Variants in NECTIN1 observed in about 807,000 individuals in gnomAD.
NECTIN1 encodes nectin cell adhesion molecule 1.
In NECTIN1, 23 loss-of-function variants were observed where a neutral mutation model predicts 48.0. The observed-to-expected ratio is 0.48, with a 90% confidence interval of 0.34 to 0.68. NECTIN1 has a LOEUF of 0.68. NECTIN1 is among the 30% of genes least tolerant of loss of function. The pLI, the probability that NECTIN1 is intolerant of heterozygous loss-of-function variation, is 0.01. For synonymous variants in NECTIN1, 270 were observed against 288.9 expected (o/e 0.93, Z 0.66); for missense variants, 591 against 709.9 (o/e 0.83, Z 1.90).
At chr11:119,701,920 C>T (rs1415033990) in intron 1 of NECTIN1, among the ~76,000 whole-genome samples, 1 of 152,190 alleles carries the variant, frequency 6.6e-6, no homozygotes, top group African/African-American at 2.4e-5. Flanking sequence ...AGACATTAAG[C>T]TGTCAAACCA....
intron 1 of NECTIN1, among the ~76,000 whole-genome samples, chr11:119,695,794 C>T (rs1865332420): frequency 6.6e-6 from 1 of 152,154 alleles, no homozygotes; most frequent in Non-Finnish European, 1.5e-5. Context: ...AGTGGGAGCA[C>T]CCCCCTTTGC....
chr11:119,665,155 C>T lies in NECTIN1; in HGVS notation c.1146G>A (p.Arg382=), dbSNP rs780459663. The change falls in exon 6 of 6, where the codon CGG becomes CGA. Residue 382 remains arginine, a synonymous_variant. Coordinates refer to ENST00000264025, the MANE Select transcript of NECTIN1 (RefSeq NM_002855.5). This position sits in a 1 kb window ranked among gnomAD's most constrained non-coding sequence, Gnocchi z 5.1. The part of the protein sequence containing the change: ...GGIVVALRRR[R]HTFKGDYSTK... ...TGCTGTAGTCACCCTTGAAGGTGTG[C>T]CGGCGCCGACGCAGGGCGACCACGA... The T allele has an allele frequency of 4.8e-5, 77 of 1,613,072 alleles. No individual in the cohort carries two copies. Among genetic ancestry groups the T allele is most frequent in the Non-Finnish European group, 6.5e-5 (77 of 1,179,892 alleles).
downstream of NECTIN1, among the ~76,000 whole-genome samples, chr11:119,656,620 C>A (rs1369186615): frequency 6.6e-6 from 1 of 152,110 alleles, no homozygotes; most frequent in African/African-American, 2.4e-5. Context: ...CTGGGGGACC[C>A]TGGCCAGCTA....
At chr11:119,686,881 G>A (rs1865167345) in intron 1 of NECTIN1, among the ~76,000 whole-genome samples, 2 of 152,090 alleles carry the variant, frequency 1.3e-5, no homozygotes, top group Non-Finnish European at 2.9e-5. Context: ...TTTGGAAAAG[G>A]CCAGGACTTG....
At chr11:119,670,622 A>G (rs10790330) in intron 5 of NECTIN1, among the ~76,000 whole-genome samples, 74,562 of 142,808 alleles carry the variant, frequency 0.52, 20,142 homozygotes, top group African/African-American at 0.72. Context: ...CAGGCCTTCT[A>G]TTTAATTCTT....
At chr11:119,705,202 G>A (rs1680836233) in intron 1 of NECTIN1, among the ~76,000 whole-genome samples, 2 of 152,188 alleles carry the variant, frequency 1.3e-5, no homozygotes, top group Non-Finnish European at 2.9e-5. Flanking sequence ...GTGATTGCAT[G>A]CAGAAACAGG....
At chr11:119,695,941 G>A (rs1865334895) in intron 1 of NECTIN1, among the ~76,000 whole-genome samples, 1 of 152,188 alleles carries the variant, frequency 6.6e-6, no homozygotes, top group African/African-American at 2.4e-5. Flanking sequence ...CCAGAAAAGT[G>A]AGGTGTCTTA....
chr11:119,648,367 ATGGTGGTGATGGTGG>A (rs1565376759), intron 5 of NECTIN1, among the ~76,000 whole-genome samples: 6 of 31,556 alleles, frequency 1.9e-4, no homozygotes, highest in Admixed American at 5.8e-4. Context: ...GATGCTGGTG[ATGGTGGTGATGGTGG>A]TGGTGGTGGT....
At chr11:119,675,848 G>T (rs1864937275) in intron 4 of NECTIN1, among the ~76,000 whole-genome samples, 1 of 151,858 alleles carries the variant, frequency 6.6e-6, no homozygotes, top group Admixed American at 6.6e-5. Flanking sequence ...TCTACTAAAA[G>T]TACAAAAATT....
chr11:119,664,971 C>T lies in NECTIN1; in HGVS notation c.1330G>A (p.Glu444Lys), dbSNP rs774814738. 38 of 1,604,540 alleles carry T rather than the reference C, an allele frequency of 2.4e-5. No homozygotes were observed. The South Asian group carries it at 4.0e-4, about 17-fold the overall frequency. Residue 444 changes from glutamate (E) to lysine (K), a missense_variant, in exon 6 of 6, where the codon GAG becomes AAG. Transcript: ENST00000264025. ...TTGCGCTCGCCCCCTCCACCGCCCT[C>T]CTCCTCCTCCTCCTCCTCCTCATAG... Reference protein sequence around the residue: ...SSYEEEEEEEEGGGGGERKVG... With the variant: ...SSYEEEEEEEKGGGGGERKVG...
exon 6 of NECTIN1, chr11:119,639,934 A>G (rs7940667): frequency 6.2e-7 from 1 of 1,614,074 alleles, no homozygotes; most frequent in African/African-American, 1.3e-5. Context: ...GAGCACAGCA[A>G]CTAGGATGAG....
Position 119,677,966 on chromosome 11 carries a change from C to T in NECTIN1, c.431-109G>A. 2 of 1,092,428 alleles carry T rather than the reference C, an allele frequency of 1.8e-6. No homozygotes were observed. Among genetic ancestry groups the T allele is most frequent in the South Asian group, 1.3e-5 (1 of 75,926 alleles). 67.7% of individuals were successfully genotyped at this position (1,092,428 alleles called of 1,614,324 possible). On this transcript the variant is annotated intron_variant, in intron 2 of 5. Coordinates refer to ENST00000264025, the MANE Select transcript of NECTIN1 (RefSeq NM_002855.5). The surrounding 1 kb of genome is among the most constrained non-coding windows in gnomAD (Gnocchi z 5.4). ...GGCCTTGTCTTCAGGTCCCCTTGGC[C>T]ATCCCTGCCTCTCAGCTGTGCTGCA... is the stretch of plus-strand genomic sequence containing the variant.
intron 5 of NECTIN1, among the ~76,000 whole-genome samples, chr11:119,644,680 C>G (rs1008116607): frequency 1.3e-5 from 2 of 152,170 alleles, no homozygotes; most frequent in Admixed American, 1.3e-4. Flanking sequence ...GAGCAGGGGG[C>G]CTTCTGAACA....
rs768218183 is a variant in NECTIN1 at position 119,664,871 on chromosome 11, C to T, written c.1430G>A (p.Arg477His). Residue 477 changes from arginine (R) to histidine (H), a missense_variant, in exon 6 of 6, where the codon CGT becomes CAT. Transcript: ENST00000264025. ...AGTCCGGTCCCCGTAGCCGTCCTGA[C>T]GGGCCTCGGCCTCATCCACGGTGAA... is the stretch of plus-strand genomic sequence containing the variant. ...PYFTVDEAEA[R>H]QDGYGDRTLG... The T allele has an allele frequency of 3.3e-5, 54 of 1,613,962 alleles. No homozygotes were observed. The highest frequency in any genetic ancestry group is 1.7e-4 in the Admixed American group (10 of 60,004).
At chr11:119,699,294 T>G (rs968446417) in intron 1 of NECTIN1, among the ~76,000 whole-genome samples, 4 of 152,206 alleles carry the variant, frequency 2.6e-5, no homozygotes, top group African/African-American at 7.2e-5. Flanking sequence ...AGGGGACTTT[T>G]CCCAGTCTCC....
At chr11:119,701,874 G>T (rs1217738557) in intron 1 of NECTIN1, among the ~76,000 whole-genome samples, 1 of 152,036 alleles carries the variant, frequency 6.6e-6, no homozygotes, top group Admixed American at 6.5e-5. Context: ...CTCCCGCCCC[G>T]TCCCTGTCCC....
intron 1 of NECTIN1, among the ~76,000 whole-genome samples, chr11:119,695,130 C>T (rs1463498605): frequency 1.3e-5 from 2 of 152,106 alleles, no homozygotes; most frequent in South Asian, 2.1e-4. Flanking sequence ...GGCTCAGGCT[C>T]GGGAAGTGAT....
At chr11:119,690,784 C>T (rs1056791225) in intron 1 of NECTIN1, among the ~76,000 whole-genome samples, 7 of 152,134 alleles carry the variant, frequency 4.6e-5, no homozygotes, top group African/African-American at 1.7e-4. Flanking sequence ...GGTCCCACAT[C>T]ACAGGATGCC....
rs139590331 is a variant in NECTIN1, at chr11:119,706,867, C to T, written c.79+21608G>A. Among the ~76,000 whole-genome samples the T allele has an allele frequency of 3.9e-5, 6 of 152,318 alleles. No individual in the cohort carries two copies. The East Asian group carries it at 1.2e-3, about 29-fold the overall frequency. ...TTTATATCATTATCCCACTTTTGTC[C>T]TCAGTGGGTCAGTATTCACGGAAGA... On this transcript the variant is annotated intron_variant, in intron 1 of 5. Coordinates refer to ENST00000264025, the MANE Select transcript of NECTIN1 (RefSeq NM_002855.5).
Sources: gnomAD v4.1 joint callset for allele counts (sites outside exome capture counted in the v4.1 genomes callset) on GRCh38, gnomAD v4.1.1 for gene constraint, Gnocchi (gnomAD v3.1) non-coding constraint, MANE v1.5 for transcripts, NCBI Gene and HGNC (gene_info 2026-07-23, HGNC 2026-07-21) for gene names.